NFAT5: variants seen among roughly 807,000 people sequenced by gnomAD.
NFAT5 encodes nuclear factor of activated T cells 5.
In NFAT5, 31 loss-of-function variants were observed where a neutral mutation model predicts 166.5. That is an observed-to-expected ratio of 0.19 (90% CI 0.14 to 0.25). The LOEUF (loss-of-function observed/expected upper bound fraction) is 0.25, where lower values mean the gene tolerates loss of function less well. NFAT5 is among the 10% of genes least tolerant of loss of function. The pLI is 1.00. For missense variants in NFAT5, 1,449 were observed against 1,821.8 expected (o/e 0.80, Z 3.72); for synonymous variants, 612 against 639.7 (o/e 0.96, Z 0.65).
intron 13 of NFAT5, 114 bp from the exon 14 acceptor site, chr16:69,695,022 C>G: frequency 1.2e-6 from 1 of 801,786 alleles, no homozygotes; most frequent in Non-Finnish European, 2.0e-6. Context: ...TGAATTTTCC[C>G]CAACAACTAA....
chr16:69,573,129 A>G (rs965164525), intron 2 of NFAT5, among the ~76,000 whole-genome samples: 2 of 152,226 alleles, frequency 1.3e-5, no homozygotes, highest in African/African-American at 4.8e-5. Context: ...GGCATGTGCC[A>G]CCGCATCCGG....
chr16:69,568,345 T>TG, intron 1 of NFAT5, 150 bp from the exon 2 acceptor site: 1 of 234,262 alleles, frequency 4.3e-6, no homozygotes, highest in Non-Finnish European at 7.7e-6. Context: ...TATATATATA[T>TG]ATGTGTGTGT....
In NFAT5 at chr16:69,582,271, ATAAG is replaced by A. The variant is rs968756286; in HGVS notation, c.127+13727_127+13730del. ...CAGAGTGAGACTCTGTCTCAAATAA[ATAAG>A]TAAATAAATAAAATAAAATAAAATT... is the stretch of plus-strand genomic sequence containing the variant. On this transcript the variant is annotated intron_variant, in intron 2 of 14. Transcript: ENST00000349945. Among the ~76,000 whole-genome samples, 9 of 152,292 alleles carry A rather than the reference ATAAG, an allele frequency of 5.9e-5. No homozygotes were observed. The South Asian group carries it at 8.3e-4, about 14-fold the overall frequency.
Position 69,697,058 on chromosome 16 carries a change from T to C in NFAT5, c.*707T>C, listed in dbSNP as rs1487505446. 6.6e-6 allele frequency: 1 copy of C among 152,648 alleles called. No individual in the cohort carries two copies. The highest frequency in any genetic ancestry group is 1.5e-5 in the Non-Finnish European group (1 of 68,036). 9.5% of individuals were successfully genotyped at this position (152,648 alleles called of 1,614,324 possible). ...TAAGGGGTTTAGCCATAACTGTGCATAGAAAAATAATTATCTGTAAAAAAT... is the reference window on the plus strand; with the variant it reads ...TAAGGGGTTTAGCCATAACTGTGCACAGAAAAATAATTATCTGTAAAAAAT... On this transcript the variant is annotated 3_prime_UTR_variant, in exon 15 of 15. Coordinates refer to ENST00000349945, the MANE Select transcript of NFAT5 (RefSeq NM_138713.4).
chr16:69,583,309 C>T (rs1021250341), intron 2 of NFAT5, among the ~76,000 whole-genome samples: 1 of 151,946 alleles, frequency 6.6e-6, no homozygotes, highest in African/African-American at 2.4e-5. Context: ...AAGCAATCCT[C>T]CTGCCTCAGC....
chr16:69,688,206 A>AC (rs2037395448), intron 11 of NFAT5, among the ~76,000 whole-genome samples: 1 of 115,486 alleles, frequency 8.7e-6, no homozygotes, highest in African/African-American at 4.7e-5. Context: ...CCGTCTCAAA[A>AC]AAAAAAAAAA....
chr16:69,643,931 T>C (rs917694221), intron 3 of NFAT5, among the ~76,000 whole-genome samples: 1 of 152,166 alleles, frequency 6.6e-6, no homozygotes, highest in African/African-American at 2.4e-5. Flanking sequence ...CAGAATGTAA[T>C]GTTTTGATGT....
chr16:69,661,301 A>C (rs995725644), intron 7 of NFAT5, among the ~76,000 whole-genome samples: 1 of 150,714 alleles, frequency 6.6e-6, no homozygotes, highest in African/African-American at 2.4e-5. Flanking sequence ...GTTTGTATTC[A>C]TGGAAACTAA....
At chr16:69,626,889 C>T (rs2034482556) in intron 3 of NFAT5, among the ~76,000 whole-genome samples, 1 of 152,050 alleles carries the variant, frequency 6.6e-6, no homozygotes, top group African/African-American at 2.4e-5. Flanking sequence ...TAAAGACTTG[C>T]ACCAAGGGAA....
At chr16:69,633,645 AAAGT>A (rs2034817677) in intron 3 of NFAT5, among the ~76,000 whole-genome samples, 1 of 152,342 alleles carries the variant, frequency 6.6e-6, no homozygotes, top group Non-Finnish European at 1.5e-5. Context: ...ATAGAAGTAA[AAAGT>A]AAGACAGAGG....
In NFAT5 at chr16:69,700,835, TTG is replaced by T. The variant is rs772029358; in HGVS notation, c.*4488_*4489del. 6.6e-6 allele frequency: 1 copy of T among 152,192 alleles called. No individual in the cohort carries two copies. The highest frequency in any genetic ancestry group is 2.4e-5 in the African/African-American group (1 of 41,440). The allele number at this position is 152,192 out of a possible 1,614,324, so 9.4% of individuals were successfully genotyped here. ...AAAAGAGGTTTTCTTCTCTGCTTGT[TTG>T]TGTCACTAGAGCAAAATTGTAGAGA... On this transcript the variant is annotated 3_prime_UTR_variant, in exon 15 of 15. Transcript: ENST00000349945.
At position 69,695,228 on chromosome 16, in the gene NFAT5, C is replaced by A. The variant is rs778114906; in HGVS notation, c.4507C>A (p.Pro1503Thr). 10 of 1,614,048 alleles carry A rather than the reference C, an allele frequency of 6.2e-6. No individual in the cohort carries two copies. In the Admixed American group the frequency reaches 1.7e-4, roughly 27 times the overall value. Reference sequence around the variant, plus strand: ...AGGCCAACCACAAAACGAGGGCCAGCCACCTGTGACAACACTTCTTTCTCA... The same window carrying A: ...AGGCCAACCACAAAACGAGGGCCAGACACCTGTGACAACACTTCTTTCTCA... ...QPGQPQNEGQ[P>T]PVTTLLSQQM... Residue 1503 changes from proline to threonine, a missense_variant, in exon 14 of 15, where the codon CCA (proline) becomes ACA (threonine). Coordinates refer to ENST00000349945, the MANE Select transcript of NFAT5 (RefSeq NM_138713.4).
intron 11 of NFAT5, among the ~76,000 whole-genome samples, chr16:69,686,404 T>A (rs2037306582): frequency 6.6e-6 from 1 of 151,916 alleles, no homozygotes; most frequent in African/African-American, 2.4e-5. Flanking sequence ...GCACTTATCA[T>A]CCTAGCTATT....
intron 3 of NFAT5, among the ~76,000 whole-genome samples, chr16:69,627,093 A>G (rs930393551): frequency 5.9e-5 from 9 of 151,774 alleles, no homozygotes; most frequent in African/African-American, 2.2e-4. Context: ...AGGTATAGAA[A>G]GTAATGTTTG....
chr16:69,635,228 C>A (rs948284369), intron 3 of NFAT5, among the ~76,000 whole-genome samples: 1 of 152,072 alleles, frequency 6.6e-6, no homozygotes, highest in Non-Finnish European at 1.5e-5. Flanking sequence ...CCAGGCTGGT[C>A]TTGAACTCCG....
chr16:69,638,764 T>C (rs1451860802), intron 3 of NFAT5, among the ~76,000 whole-genome samples: 2 of 150,324 alleles, frequency 1.3e-5, no homozygotes, highest in Admixed American at 1.3e-4. Flanking sequence ...AGTAAAAACA[T>C]TGAAGTAGAA....
intron 3 of NFAT5, among the ~76,000 whole-genome samples, chr16:69,631,749 C>G (rs780203406): frequency 1.3e-5 from 2 of 151,900 alleles, no homozygotes; most frequent in Non-Finnish European, 2.9e-5. Flanking sequence ...CCTCAGCCTC[C>G]CGAGTAACTG....
At chr16:69,600,067 T>C (rs1027920532) in intron 2 of NFAT5, among the ~76,000 whole-genome samples, 2 of 151,610 alleles carry the variant, frequency 1.3e-5, no homozygotes, top group Admixed American at 6.6e-5. Flanking sequence ...TAGATCAGGA[T>C]TGTAGTATTG....
intron 2 of NFAT5, among the ~76,000 whole-genome samples, chr16:69,604,039 G>A (rs2033273968): frequency 6.6e-6 from 1 of 151,954 alleles, no homozygotes. Flanking sequence ...TGGATTCTTG[G>A]ATTATTGCAT....
Sources: gnomAD v4.1 joint callset for allele counts (sites outside exome capture counted in the v4.1 genomes callset) on GRCh38, gnomAD v4.1.1 for gene constraint, MANE v1.5 for transcripts, NCBI Gene and HGNC (gene_info 2026-07-23, HGNC 2026-07-21) for gene names.